Variants in IMPACT observed in about 807,000 individuals in gnomAD.
IMPACT encodes the protein protein IMPACT.
In IMPACT, 35 loss-of-function variants were observed where a neutral mutation model predicts 47.5. The ratio of observed to expected loss-of-function variants is 0.74; its 90% confidence interval spans 0.56 to 0.98. The LOEUF (loss-of-function observed/expected upper bound fraction) is 0.98, where lower values mean the gene tolerates loss of function less well. IMPACT is among the 50% of genes least tolerant of loss of function. IMPACT has a pLI of 0.00. For synonymous variants in IMPACT, 118 were observed against 125.6 expected, an observed-to-expected ratio of 0.94 and a Z score of 0.40; for missense variants, 373 against 394.8, an observed-to-expected ratio of 0.94 and a Z score of 0.47.
intron 4 of IMPACT, among the ~76,000 whole-genome samples, chr18:24,436,154 ATC>A (rs1236845189): frequency 3.9e-5 from 6 of 152,176 alleles, no homozygotes; most frequent in African/African-American, 1.4e-4. Context: ...AAATAGTGTC[ATC>A]TCTTTGTGTC....
rs576820507 is a variant in IMPACT, at chr18:24,433,423, T to C, written c.281+3039T>C. ...ACCTTGTTAGCCAGGATGGTCTCGA[T>C]CTCCTGACCTCATGATCCACCCGCC... On this transcript the variant is annotated intron_variant, in intron 4 of 10. Coordinates refer to ENST00000284202, the MANE Select transcript of IMPACT (RefSeq NM_018439.4). 2.1e-3 allele frequency among the ~76,000 whole-genome samples: 321 copies of C among 149,898 alleles called. 2 individuals carry two copies. The highest frequency in any genetic ancestry group is 7.6e-3 in the African/African-American group (310 of 40,922).
intron 6 of IMPACT, among the ~76,000 whole-genome samples, chr18:24,441,034 A>G (rs745859116): frequency 1.3e-5 from 2 of 152,258 alleles, no homozygotes; most frequent in Admixed American, 6.5e-5. Flanking sequence ...AATTAAAGCT[A>G]GTAAAATGCC....
intron 4 of IMPACT, among the ~76,000 whole-genome samples, chr18:24,434,774 A>ATAT (rs1331935654): frequency 6.4e-5 from 8 of 124,744 alleles, no homozygotes; most frequent in African/African-American, 2.7e-4. Flanking sequence ...AAAAAAAAAA[A>ATAT]AAATATATAT....
At chr18:24,440,650 A>C in intron 6 of IMPACT, 32 bp downstream of exon 6, 2 of 1,574,128 alleles carry the variant, frequency 1.3e-6, no homozygotes, top group Admixed American at 1.9e-5. Context: ...TCTTTTGAGG[A>C]GAGTGGGTTG....
Position 24,443,132 on chromosome 18 carries a change from C to A in IMPACT, c.574C>A (p.Pro192Thr). 1.3e-6 allele frequency: 2 copies of A among 1,599,002 alleles called. No individual in the cohort carries two copies. The highest frequency in any genetic ancestry group is 1.7e-6 in the Non-Finnish European group (2 of 1,168,212). Residue 192 changes from proline to threonine, a missense_variant, in exon 7 of 11, where the codon CCA (proline) becomes ACA (threonine). Physicochemically the swap from Pro to Thr is conservative, Grantham distance 38. Coordinates refer to ENST00000284202, the MANE Select transcript of IMPACT (RefSeq NM_018439.4). ...AAGTACTTTTCAGGCACACTTGGCT[C>A]CAGTGGTTTGTCCCAAACAGGTAAA... ...RRSTFQAHLAPVVCPKQVKMV... is the reference protein window; with the variant it reads ...RRSTFQAHLATVVCPKQVKMV...
chr18:24,432,492 G>A (rs1268200498), intron 4 of IMPACT, among the ~76,000 whole-genome samples: 1 of 151,814 alleles, frequency 6.6e-6, no homozygotes, highest in Non-Finnish European at 1.5e-5. Flanking sequence ...GAGTTGTTGT[G>A]GAATCCATTC....
At chr18:24,435,854 C>A (rs1447084641) in intron 4 of IMPACT, among the ~76,000 whole-genome samples, 1 of 140,418 alleles carries the variant, frequency 7.1e-6, no homozygotes, top group Non-Finnish European at 1.6e-5. Flanking sequence ...TATTCTCCCA[C>A]AGAGACTGGA....
At chr18:24,445,665 CAA>C (rs1425740194) in intron 8 of IMPACT, among the ~76,000 whole-genome samples, 199 bp downstream of exon 8, 1 of 152,094 alleles carries the variant, frequency 6.6e-6, no homozygotes, top group African/African-American at 2.4e-5. Context: ...ATGTAACTGA[CAA>C]TATTTTGTTT....
At chr18:24,428,339 A>G (rs1908666235) in intron 2 of IMPACT, among the ~76,000 whole-genome samples, 1 of 152,246 alleles carries the variant, frequency 6.6e-6, no homozygotes, top group African/African-American at 2.4e-5. Flanking sequence ...GAGAGGGTCC[A>G]AACCTGGAAA....
intron 2 of IMPACT, 107 bp downstream of exon 2, chr18:24,428,154 TG>T: frequency 9.0e-7 from 1 of 1,109,284 alleles, no homozygotes; most frequent in Non-Finnish European, 1.3e-6. Flanking sequence ...TCTTTGTTCT[TG>T]GCTTTTCTCA....
chr18:24,433,560 G>C (rs1340288651), intron 4 of IMPACT, among the ~76,000 whole-genome samples: 1 of 150,974 alleles, frequency 6.6e-6, no homozygotes, highest in Non-Finnish European at 1.5e-5. Flanking sequence ...GAACTCCTGT[G>C]CTCAAGCCTC....
chr18:24,436,766 GTC>G (rs1374279211), intron 4 of IMPACT, among the ~76,000 whole-genome samples: 1 of 152,008 alleles, frequency 6.6e-6, no homozygotes, highest in Non-Finnish European at 1.5e-5. Context: ...GCCCAGGCTG[GTC>G]TCGAACTCTT....
At chr18:24,449,700 A>T in intron 9 of IMPACT, 119 bp from the exon 10 acceptor site, 4 of 841,462 alleles carry the variant, frequency 4.8e-6, no homozygotes, top group Non-Finnish European at 7.5e-6. Flanking sequence ...CTCTACCATT[A>T]AAGTCACTGG....
chr18:24,435,652 A>C (rs528833568), intron 4 of IMPACT: 1 of 152,178 alleles, frequency 6.6e-6, no homozygotes, highest in Non-Finnish European at 1.5e-5. Context: ...TGTGAACTCA[A>C]CTCCTCTGAA....
At chr18:24,438,128 A>G (rs974748567) in intron 5 of IMPACT, 88 bp downstream of exon 5, 6 of 654,798 alleles carry the variant, frequency 9.2e-6, no homozygotes, top group Non-Finnish European at 1.6e-5. Flanking sequence ...TAATGTGAAA[A>G]TCTGTATTCT....
At chr18:24,439,794 G>A (rs1030805732) in intron 5 of IMPACT, among the ~76,000 whole-genome samples, 2 of 152,096 alleles carry the variant, frequency 1.3e-5, no homozygotes, top group African/African-American at 4.8e-5. Context: ...CTTGGGTGAC[G>A]GAATGAGACT....
Position 24,438,026 on chromosome 18 carries a change from A to G in IMPACT, c.353A>G (p.Gln118Arg), listed in dbSNP as rs769581021. ...KIRDVLIQKSQMTEPGPDVKK... is the reference protein window; with the variant it reads ...KIRDVLIQKSRMTEPGPDVKK... ...AGAGATGTTCTTATACAAAAATCTCAGATGACAGAACCAGGTAGGATTGAA... is the reference window on the plus strand; with the variant it reads ...AGAGATGTTCTTATACAAAAATCTCGGATGACAGAACCAGGTAGGATTGAA... The change falls in exon 5 of 11, where the codon CAG becomes CGG. Residue 118 changes from glutamine to arginine, a missense_variant. Transcript: ENST00000284202. 5 of 1,525,542 alleles carry G rather than the reference A, an allele frequency of 3.3e-6. No homozygotes were observed. Among genetic ancestry groups the G allele is most frequent in the Non-Finnish European group, 4.5e-6 (5 of 1,108,268 alleles). The allele number at this position is 1,525,542 out of a possible 1,614,324, so 94.5% of individuals were successfully genotyped here.
chr18:24,438,788 T>C (rs2144340034), intron 5 of IMPACT, among the ~76,000 whole-genome samples: 1 of 152,224 alleles, frequency 6.6e-6, no homozygotes, highest in Non-Finnish European at 1.5e-5. Flanking sequence ...TTATTATTGG[T>C]GATATTTACC....
intron 8 of IMPACT, among the ~76,000 whole-genome samples, chr18:24,446,636 TTCA>T (rs1241269580): frequency 1.3e-5 from 2 of 152,202 alleles, no homozygotes; most frequent in Non-Finnish European, 2.9e-5. Flanking sequence ...AACTCAAAAA[TTCA>T]TCATTTTGAG....
Sources: allele counts gnomAD v4.1 joint callset (sites outside exome capture counted in the v4.1 genomes callset), GRCh38; gene constraint gnomAD v4.1.1; transcripts MANE v1.5; gene names NCBI Gene and HGNC (gene_info 2026-07-23, HGNC 2026-07-21).